The following EFCAB5 variants were observed in gnomAD, a reference collection of about 807,000 sequenced individuals.
The protein encoded by EFCAB5 is EF-hand calcium binding domain 5.
In EFCAB5, 131 loss-of-function variants were observed where a neutral mutation model predicts 167.9. That is an observed-to-expected ratio of 0.78 (90% CI 0.68 to 0.90). EFCAB5 has a LOEUF of 0.90. Among genes scored for constraint, EFCAB5 ranks in the 40% least tolerant of loss-of-function variants. The pLI, the probability that EFCAB5 is intolerant of heterozygous loss-of-function variation, is 0.00. For synonymous variants in EFCAB5, 574 were observed against 602.8 expected (o/e 0.95, Z 0.70); for missense variants, 1,663 against 1,745.2 (o/e 0.95, Z 0.84).
At position 30,080,840 on chromosome 17, in the gene EFCAB5, T is replaced by A; in HGVS notation, c.3285T>A (p.Asn1095Lys). 6.2e-7 allele frequency: 1 copy of A among 1,613,856 alleles called. No homozygotes were observed. Among genetic ancestry groups the A allele is most frequent in the Admixed American group, 1.7e-5 (1 of 60,002 alleles). Residue 1095 changes from asparagine to lysine, a missense_variant, in exon 17 of 23, where the codon AAT (asparagine) becomes AAA (lysine). Transcript: ENST00000394835. Reference sequence around the variant, plus strand: ...TCTTCTTCTGGAACCAGTCCCGTAATAAGCATGATTATAATGGTTCATTCC... The same window carrying A: ...TCTTCTTCTGGAACCAGTCCCGTAAAAAGCATGATTATAATGGTTCATTCC... ...GNIFFWNQSRNKHDYNGSFLA... is the reference protein window; with the variant it reads ...GNIFFWNQSRKKHDYNGSFLA...
intron 4 of EFCAB5, among the ~76,000 whole-genome samples, chr17:29,989,875 T>A (rs931029370): frequency 1.3e-5 from 2 of 152,198 alleles, no homozygotes; most frequent in African/African-American, 4.8e-5. Context: ...CCATAAAAAA[T>A]GATATCCTAA....
chr17:30,098,101 A>AT (rs1443472432), intron 22 of EFCAB5, among the ~76,000 whole-genome samples: 4 of 151,802 alleles, frequency 2.6e-5, no homozygotes, highest in African/African-American at 9.7e-5. Flanking sequence ...CACCCAACTA[A>AT]TTTTTTTATT....
intron 8 of EFCAB5, among the ~76,000 whole-genome samples, chr17:30,050,816 A>G (rs781161571): frequency 1.2e-4 from 18 of 152,366 alleles, no homozygotes; most frequent in Admixed American, 7.8e-4. Flanking sequence ...TGACATACTC[A>G]GGTCAGGTAA....
At chr17:29,943,397 A>G (rs1207013487) in intron 2 of EFCAB5, among the ~76,000 whole-genome samples, 168 bp from the exon 3 acceptor site, 1 of 152,216 alleles carries the variant, frequency 6.6e-6, no homozygotes, top group Non-Finnish European at 1.5e-5. Flanking sequence ...ATACACTGTG[A>G]TTACCTCTTT....
At chr17:30,102,303 A>G (rs2071392777) in intron 22 of EFCAB5, among the ~76,000 whole-genome samples, 1 of 152,168 alleles carries the variant, frequency 6.6e-6, no homozygotes, top group Non-Finnish European at 1.5e-5. Flanking sequence ...CAATGGGAGT[A>G]GGAATTAAAT....
chr17:30,068,097 A>T (rs975091520), intron 14 of EFCAB5, among the ~76,000 whole-genome samples: 10 of 152,196 alleles, frequency 6.6e-5, no homozygotes, highest in Admixed American at 3.3e-4. Context: ...CCAGTTCAGG[A>T]GATCAAGACC....
chr17:30,046,694 A>T (rs2069938565), intron 8 of EFCAB5, among the ~76,000 whole-genome samples: 1 of 152,188 alleles, frequency 6.6e-6, no homozygotes, highest in South Asian at 2.1e-4. Flanking sequence ...AAATCTTCCC[A>T]AGCTTTCCTT....
chr17:30,070,277 G>A (rs1597761693), intron 14 of EFCAB5, among the ~76,000 whole-genome samples: 1 of 151,532 alleles, frequency 6.6e-6, no homozygotes, highest in Non-Finnish European at 1.5e-5. Flanking sequence ...ACTACCAAAA[G>A]CAATCTACAG....
At chr17:30,062,354 C>T (rs1200346735) in intron 14 of EFCAB5, among the ~76,000 whole-genome samples, 1 of 152,198 alleles carries the variant, frequency 6.6e-6, no homozygotes, top group Non-Finnish European at 1.5e-5. Flanking sequence ...TCCACTACCC[C>T]ATCCCCCAAC....
At chr17:29,937,220 C>T (rs2067252667), upstream of EFCAB5, among the ~76,000 whole-genome samples, 1 of 151,410 alleles carries the variant, frequency 6.6e-6, no homozygotes, top group Non-Finnish European at 1.5e-5. Flanking sequence ...TTTTGAGACT[C>T]CTGTCGCCCA....
chr17:30,048,843 T>C (rs1224304997), intron 8 of EFCAB5, among the ~76,000 whole-genome samples: 4 of 152,164 alleles, frequency 2.6e-5, no homozygotes, highest in Admixed American at 2.6e-4. Context: ...ATTCCAGGTG[T>C]GGAATCTTTA....
rs188757052 is a variant in EFCAB5 at position 29,980,916 on chromosome 17, A to T, written c.767+11549A>T. Among the ~76,000 whole-genome samples the T allele has an allele frequency of 1.7e-3, 263 of 152,298 alleles. 1 individual carries two copies. The highest frequency in any genetic ancestry group is 2.7e-3 in the Non-Finnish European group (181 of 68,028). ...AGCAAATCAACCTGGACACCTTCTG[A>T]TGATCTCTCACTGTTCATTTCTAGT... On this transcript the variant is annotated intron_variant, in intron 4 of 22. Transcript: ENST00000394835.
At chr17:30,014,760 A>G (rs2068991633) in intron 7 of EFCAB5, among the ~76,000 whole-genome samples, 1 of 152,116 alleles carries the variant, frequency 6.6e-6, no homozygotes, top group Non-Finnish European at 1.5e-5. Flanking sequence ...CCAATTTGCC[A>G]GTCTGTGTCT....
At chr17:29,978,668 C>T (rs2068108854) in intron 4 of EFCAB5, among the ~76,000 whole-genome samples, 1 of 152,176 alleles carries the variant, frequency 6.6e-6, no homozygotes, top group African/African-American at 2.4e-5. Context: ...CCAGCTAGGG[C>T]TGGGTATCTG....
In EFCAB5 at chr17:30,069,519, G is replaced by T. The variant is rs2070672510; in HGVS notation, c.2738-8696G>T. On this transcript the variant is annotated intron_variant, in intron 14 of 22. Transcript: ENST00000394835. ...GGGGCAACTGAAAATATCAAGGAAG[G>T]CAACGAAGACATAAGAGAGGCCATT... is the stretch of plus-strand genomic sequence containing the variant. 9 of 1,609,042 alleles carry T rather than the reference G, an allele frequency of 5.6e-6. No homozygotes were observed. The South Asian group carries it at 9.9e-5, about 18-fold the overall frequency.
At chr17:29,952,624 A>G (rs2067534863) in intron 3 of EFCAB5, among the ~76,000 whole-genome samples, 1 of 152,144 alleles carries the variant, frequency 6.6e-6, no homozygotes, top group African/African-American at 2.4e-5. Flanking sequence ...TCTTCCAAAT[A>G]CTAAGTATAA....
intron 19 of EFCAB5, 69 bp downstream of exon 19, chr17:30,087,235 A>C: frequency 5.4e-6 from 7 of 1,303,836 alleles, no homozygotes; most frequent in Non-Finnish European, 7.7e-6. Context: ...GACCTGAAAG[A>C]CACAGCTTCT....
At chr17:30,047,452 T>C (rs1425445407) in intron 8 of EFCAB5, among the ~76,000 whole-genome samples, 2 of 152,184 alleles carry the variant, frequency 1.3e-5, no homozygotes, top group African/African-American at 4.8e-5. Context: ...AGGGAAATGA[T>C]TGGCTTCTAG....
intron 5 of EFCAB5, among the ~76,000 whole-genome samples, chr17:29,994,236 C>T (rs918830082): frequency 6.8e-6 from 1 of 147,204 alleles, no homozygotes; most frequent in African/African-American, 2.5e-5. Flanking sequence ...GTACTTTCCG[C>T]TCAATTTTCC....
Sources: allele counts gnomAD v4.1 joint callset (sites outside exome capture counted in the v4.1 genomes callset), GRCh38; gene constraint gnomAD v4.1.1; transcripts MANE v1.5; gene names NCBI Gene and HGNC (gene_info 2026-07-23, HGNC 2026-07-21).